Variants in AAAS observed in about 807,000 individuals in gnomAD.
AAAS encodes the protein aladin.
AAAS carries 60 observed loss-of-function variants against 75.6 expected under a neutral mutation model. The ratio of observed to expected loss-of-function variants is 0.79; its 90% CI spans 0.64 to 0.98. The LOEUF is 0.98. AAAS is among the 50% of genes least tolerant of loss of function. The pLI is 0.00. For synonymous variants in AAAS, 271 were observed against 265.0 expected, an observed-to-expected ratio of 1.02 and a Z score of -0.22; for missense variants, 658 against 686.9, an observed-to-expected ratio of 0.96 and a Z score of 0.47.
At chr12:53,318,243 T>TGTGTGTGTGTGTGTGC (rs752221609) in intron 2 of AAAS, among the ~76,000 whole-genome samples, 1 of 118,962 alleles carries the variant, frequency 8.4e-6, no homozygotes, top group African/African-American at 3.2e-5. Context: ...TGTGTGTGTG[T>TGTGTGTGTGTGTGTGC]GCGTGTGTGT....
At chr12:53,321,314 T>TAGGTCCCCTCCCTCC (rs1324905631) in intron 1 of AAAS, 29 bp downstream of exon 1, 3 of 1,605,926 alleles carry the variant, frequency 1.9e-6, no homozygotes, top group Admixed American at 1.7e-5. Context: ...CCCATGCCTG[T>TAGGTCCCCTCCCTCC]AGGTCCCCTC....
In AAAS at chr12:53,315,794, G is replaced by A. The variant is rs1944453554; in HGVS notation, c.252-12C>T. On this transcript the variant is annotated splice_polypyrimidine_tract_variant and intron_variant, in intron 2 of 15. Coordinates refer to ENST00000209873, the MANE Select transcript of AAAS (RefSeq NM_015665.6). ...GGCCCACATCACGCCTGATAAGGGA[G>A]GAAAATGTGGGTCAGCTTACTCTGA... The A allele has an allele frequency of 1.9e-6, 3 of 1,613,334 alleles. No homozygotes were observed. The highest frequency in any genetic ancestry group is 1.7e-6 in the Non-Finnish European group (2 of 1,179,656).
intron 7 of AAAS, among the ~76,000 whole-genome samples, chr12:53,310,128 T>TGG (rs1405580176): frequency 2.0e-5 from 3 of 152,194 alleles, no homozygotes; most frequent in Non-Finnish European, 4.4e-5. Flanking sequence ...ATCTATGACA[T>TGG]TACTTCAAGG....
chr12:53,320,793 TC>T (rs2136821443), intron 1 of AAAS, 101 bp from the exon 2 acceptor site: 1 of 1,378,914 alleles, frequency 7.3e-7, no homozygotes, highest in Non-Finnish European at 1.0e-6. Context: ...TATAAGAGAT[TC>T]CAGAGGTCTG....
Position 53,319,293 on chromosome 12 carries a change from T to G in AAAS, c.251+1272A>C, listed in dbSNP as rs368534476. Among the ~76,000 whole-genome samples, 44 of 151,874 alleles carry G rather than the reference T, an allele frequency of 2.9e-4. No individual in the cohort carries two copies. The East Asian group carries it at 8.1e-3, about 28-fold the overall frequency. ...ACCTCCACCTCCCAGGCTCAAGTGA[T>G]CCTCCTATACATAAGCCTCCCAAGT... On this transcript the variant is annotated intron_variant, in intron 2 of 15. Coordinates refer to ENST00000209873, the MANE Select transcript of AAAS (RefSeq NM_015665.6).
chr12:53,308,448 C>T lies in AAAS; in HGVS notation c.1168G>A (p.Asp390Asn). 1 of 1,614,194 alleles carries T rather than the reference C, an allele frequency of 6.2e-7. No homozygotes were observed. ...DLSETTIQTPDGEERLGGEAH... is the reference protein window; with the variant it reads ...DLSETTIQTPNGEERLGGEAH... ...CACTCAGCTCACCTCTCCTCACCAT[C>T]TGGTGTCTGTATTGTTGTCTCAGAC... Residue 390 changes from aspartate (D) to asparagine (N), a missense_variant, in exon 12 of 16, where the codon GAT (aspartate) becomes AAT (asparagine). Asp to Asn is a conservative substitution (Grantham distance 23, BLOSUM62 1). Transcript: ENST00000209873.
chr12:53,321,536 C>A lies in AAAS; in HGVS notation c.-71G>T. On this transcript the variant is annotated 5_prime_UTR_variant, in exon 1 of 16. Transcript: ENST00000209873. ...AACGGCACAGACCGCACTCCCGCAA[C>A]TCGGTTCCCGGGCTAGATTCGTATG... 1 of 1,609,418 alleles carries A rather than the reference C, an allele frequency of 6.2e-7. No homozygotes were observed. Among genetic ancestry groups the A allele is most frequent in the South Asian group, 1.1e-5 (1 of 91,004 alleles).
Position 53,307,584 on chromosome 12 carries a change from G to A in AAAS, c.1546C>T (p.Pro516Ser). The change falls in exon 16 of 16, where the codon CCC becomes TCC. Residue 516 changes from proline (P) to serine (S), a missense_variant. By Grantham distance (74) the Pro-to-Ser change is moderately conservative. Coordinates refer to ENST00000209873, the MANE Select transcript of AAAS (RefSeq NM_015665.6). ...GTTGGGGATGTCTCAGTAAAGAGGG[G>A]CAGGTCATGAATAGAGCCTCCACCC... ...AGGGGSIHDL[P>S]LFTETSPTSA... The A allele has an allele frequency of 2.5e-6, 4 of 1,614,170 alleles. No individual in the cohort carries two copies. The highest frequency in any genetic ancestry group is 3.4e-6 in the Non-Finnish European group (4 of 1,179,996).
At position 53,308,536 on chromosome 12, in the gene AAAS, C is replaced by T; in HGVS notation, c.1088-8G>A. 1.9e-6 allele frequency: 3 copies of T among 1,614,122 alleles called. No individual in the cohort carries two copies. Among genetic ancestry groups the T allele is most frequent in the Non-Finnish European group, 2.5e-6 (3 of 1,180,038 alleles). Reference sequence around the variant, plus strand: ...CGCACCCCTTTCCCTCACCTGTGGACAAATAAGAGCAGAGAGGTTCTTGCA... The same window carrying T: ...CGCACCCCTTTCCCTCACCTGTGGATAAATAAGAGCAGAGAGGTTCTTGCA... On this transcript the variant is annotated splice_region_variant and splice_polypyrimidine_tract_variant and intron_variant, in intron 11 of 15. Coordinates refer to ENST00000209873, the MANE Select transcript of AAAS (RefSeq NM_015665.6).
At chr12:53,312,151 T>C (rs1041572285) in intron 7 of AAAS, among the ~76,000 whole-genome samples, 7 of 150,842 alleles carry the variant, frequency 4.6e-5, no homozygotes, top group Admixed American at 1.3e-4. Flanking sequence ...AGGCAGAGGT[T>C]GCAGTGAGCC....
At chr12:53,314,237 C>T in intron 7 of AAAS, 61 bp downstream of exon 7, 1 of 1,610,242 alleles carries the variant, frequency 6.2e-7, no homozygotes, top group Non-Finnish European at 8.5e-7. Flanking sequence ...GTCCTCACCA[C>T]CCACCATGCC....
intron 2 of AAAS, among the ~76,000 whole-genome samples, chr12:53,318,048 A>G (rs971858353): frequency 1.3e-5 from 2 of 152,256 alleles, no homozygotes; most frequent in Admixed American, 6.5e-5. Flanking sequence ...TATTTTATTG[A>G]GACAGGGTCT....
At chr12:53,317,016 G>A (rs980892528) in intron 2 of AAAS, among the ~76,000 whole-genome samples, 3 of 151,728 alleles carry the variant, frequency 2.0e-5, no homozygotes, top group Admixed American at 2.0e-4. Flanking sequence ...CCTGGGGGCT[G>A]ACAATGCAGT....
In AAAS at chr12:53,321,450, A is replaced by G. The variant is rs761552347; in HGVS notation, c.16T>C (p.Leu6=). 1.2e-6 allele frequency: 2 copies of G among 1,614,148 alleles called. No homozygotes were observed. The highest frequency in any genetic ancestry group is 1.1e-5 in the South Asian group (1 of 91,088). The change falls in exon 1 of 16, where the codon TTG becomes CTG. Residue 6 remains leucine (L), a synonymous_variant. Coordinates refer to ENST00000209873, the MANE Select transcript of AAAS (RefSeq NM_015665.6). MCSLG[L]FPPPPPRGQV... Reference sequence around the variant, plus strand: ...CCCCGAGGCGGTGGAGGAGGGAACAACCCCAGAGAGCACATCTTGCCGGTT... The same window carrying G: ...CCCCGAGGCGGTGGAGGAGGGAACAGCCCCAGAGAGCACATCTTGCCGGTT...
At chr12:53,317,902 C>G (rs1415045399) in intron 2 of AAAS, among the ~76,000 whole-genome samples, 2 of 152,184 alleles carry the variant, frequency 1.3e-5, no homozygotes, top group Non-Finnish European at 2.9e-5. Context: ...AGCAATACAA[C>G]AGAAACACCT....
chr12:53,315,102 G>A lies in AAAS; in HGVS notation c.438C>T (p.Val146=), dbSNP rs1944441859. 6 of 1,614,040 alleles carry A rather than the reference G, an allele frequency of 3.7e-6. No individual in the cohort carries two copies. Among genetic ancestry groups the A allele is most frequent in the Non-Finnish European group, 5.1e-6 (6 of 1,180,048 alleles). The change falls in exon 5 of 16, where the codon GTC becomes GTT. Residue 146 remains valine (V), a synonymous_variant. Transcript: ENST00000209873. ...AGGGCTTGTGCACTCACCAATTTGT[G>A]ACTTGGGCAAATTCAGCGATCAGAT... ...SEDLIAEFAQ[V]TNWSSCCLRV...
At chr12:53,313,217 G>A (rs1258982486) in intron 7 of AAAS, among the ~76,000 whole-genome samples, 1 of 128,936 alleles carries the variant, frequency 7.8e-6, no homozygotes, top group Non-Finnish European at 1.6e-5. Flanking sequence ...GAGTACAGCT[G>A]TAGTGGCATG....
In AAAS at chr12:53,307,527, GT is replaced by G; in HGVS notation, c.1602del (p.Pro535HisfsTer16). The G allele has an allele frequency of 6.2e-7, 1 of 1,614,152 alleles. No individual in the cohort carries two copies. Among genetic ancestry groups the G allele is most frequent in the Non-Finnish European group, 8.5e-7 (1 of 1,179,998 alleles). ...TGTGGGGAGTGGGGCAGAACAGGTGGTGGCCCTGGGAGAGGGTCCCAAGGGG... is the reference window on the plus strand; with the variant it reads ...TGTGGGGAGTGGGGCAGAACAGGTGGGGCCCTGGGAGAGGGTCCCAAGGGG... ...TSAPWDPLPG[P>X]PPVLPHSPHS... On this transcript the variant is annotated frameshift_variant, in exon 16 of 16. Coordinates refer to ENST00000209873, the MANE Select transcript of AAAS (RefSeq NM_015665.6). LOFTEE classifies it high-confidence loss of function.
Position 53,307,952 on chromosome 12 carries a change from A to C in AAAS, c.1332-23T>G. 4 of 1,613,880 alleles carry C rather than the reference A, an allele frequency of 2.5e-6. No individual in the cohort carries two copies. Among genetic ancestry groups the C allele is most frequent in the Non-Finnish European group, 3.4e-6 (4 of 1,179,694 alleles). ...CCACTAGAAGAAAAGGTGAGCAGGC[A>C]ACCGGAGGCAAGAAGGGAGCTGAAT... is the stretch of plus-strand genomic sequence containing the variant. On this transcript the variant is annotated intron_variant, in intron 14 of 15. Transcript: ENST00000209873.
Sources: allele counts gnomAD v4.1 joint callset (sites outside exome capture counted in the v4.1 genomes callset), GRCh38; gene constraint gnomAD v4.1.1; transcripts MANE v1.5; gene names NCBI Gene and HGNC (gene_info 2026-07-23, HGNC 2026-07-21).